The following DMRTA2 variants were observed in gnomAD, a reference collection of about 807,000 sequenced individuals.
DMRTA2 encodes doublesex- and mab-3-related transcription factor A2.
In DMRTA2, 10 loss-of-function variants were observed where a neutral mutation model predicts 29.7. The observed-to-expected ratio is 0.34, with a 90% CI of 0.21 to 0.57. The LOEUF is 0.57. DMRTA2 is among the 20% of genes least tolerant of loss of function. The pLI is 0.87. For synonymous variants in DMRTA2, 469 were observed against 402.6 expected, an observed-to-expected ratio of 1.16 and a Z score of -1.97; for missense variants, 783 against 812.1, an observed-to-expected ratio of 0.96 and a Z score of 0.44.
chr1:50,419,864 C>T lies in DMRTA2; in HGVS notation c.560-130G>A, dbSNP rs1050182683. On this transcript the variant is annotated intron_variant, in intron 2 of 2. Transcript: ENST00000404795. The surrounding 1 kb of genome is among the most constrained non-coding windows in gnomAD (Gnocchi z 6.1). ...CCTTATTCACTAGGCTCCAGTGCCC[C>T]TCTTTCTTTTTGCTCTAGCATTCCT... The T allele has an allele frequency of 1.8e-5, 14 of 770,620 alleles. No homozygotes were observed. Among genetic ancestry groups the T allele is most frequent in the Admixed American group, 3.9e-5 (1 of 25,634 alleles). 47.7% of individuals were successfully genotyped at this position (770,620 alleles called of 1,614,324 possible). A position where few individuals can be genotyped will look rare whatever the true frequency, so the allele number is the denominator to read the frequency against.
Position 50,420,364 on chromosome 1 carries a change from G to C in DMRTA2, c.559+614C>G, listed in dbSNP as rs1199456866. On this transcript the variant is annotated intron_variant, in intron 2 of 2. Transcript: ENST00000404795. The surrounding 1 kb of genome is among the most constrained non-coding windows in gnomAD (Gnocchi z 4.1). Reference sequence around the variant, plus strand: ...CCCCACAAAAAGCCACGGGGGTCCAGAAAAAGAGGGTGGTGCTAGGCAGGC... The same window carrying C: ...CCCCACAAAAAGCCACGGGGGTCCACAAAAAGAGGGTGGTGCTAGGCAGGC... Among the ~76,000 whole-genome samples, 1 of 152,150 alleles carries C rather than the reference G, an allele frequency of 6.6e-6. No individual in the cohort carries two copies. The highest frequency in any genetic ancestry group is 2.4e-5 in the African/African-American group (1 of 41,430).
chr1:50,419,121 G>A lies in DMRTA2; in HGVS notation c.1173C>T (p.Ala391=), dbSNP rs1261221454. The A allele has an allele frequency of 1.0e-5, 12 of 1,193,772 alleles. No homozygotes were observed. The highest frequency in any genetic ancestry group is 1.2e-5 in the Non-Finnish European group (12 of 968,206). 73.9% of individuals were successfully genotyped at this position (1,193,772 alleles called of 1,614,324 possible). Residue 391 remains alanine, a synonymous_variant, in exon 3 of 3, where the codon GCC becomes GCT. Transcript: ENST00000404795. The surrounding 1 kb of genome is among the most constrained non-coding windows in gnomAD (Gnocchi z 6.1). The part of the protein sequence containing the change: ...DAWPSRVDAA[A]AAAAAAGGPG... ...GCCCCCCGGCGGCGGCGGCGGCGGC[G>A]GCGGCGGCGTCGACGCGGCTGGGCC...
Position 50,418,754 on chromosome 1 carries a change from C to T in DMRTA2, c.1540G>A (p.Ala514Thr), listed in dbSNP as rs773475923. ...AFSDLMRDRS[A>T]AAAAAVHKEP... ...TTGTGCACCGCCGCAGCAGCGGCGG[C>T]CGAGCGGTCACGCATGAGATCGCTA... is the stretch of plus-strand genomic sequence containing the variant. The change falls in exon 3 of 3, where the codon GCC (alanine) becomes ACC (threonine). Residue 514 changes from alanine (A) to threonine (T), a missense_variant. Physicochemically the swap from Ala to Thr is moderately conservative, Grantham distance 58. Coordinates refer to ENST00000404795, the MANE Select transcript of DMRTA2 (RefSeq NM_032110.3). The T allele has an allele frequency of 3.2e-5, 51 of 1,571,016 alleles. No individual in the cohort carries two copies. The South Asian group carries it at 5.3e-4, about 16-fold the overall frequency.
Position 50,422,083 on chromosome 1 carries a change from G to T in DMRTA2, c.-8-539C>A, listed in dbSNP as rs942408460. 6.6e-6 allele frequency among the ~76,000 whole-genome samples: 1 copy of T among 152,192 alleles called. No homozygotes were observed. The highest frequency in any genetic ancestry group is 2.1e-4 in the South Asian group (1 of 4,830). Reference sequence around the variant, plus strand: ...ATGTGAAGGCGCAGATGTGAAGGCCGGTTGGGCCGGAGTTTTGTTTCTTTT... The same window carrying T: ...ATGTGAAGGCGCAGATGTGAAGGCCTGTTGGGCCGGAGTTTTGTTTCTTTT... On this transcript the variant is annotated intron_variant, in intron 1 of 2. Transcript: ENST00000404795. The surrounding 1 kb of genome is among the most constrained non-coding windows in gnomAD (Gnocchi z 5.7).
chr1:50,421,047 C>T lies in DMRTA2; in HGVS notation c.490G>A (p.Asp164Asn). 1 of 1,512,012 alleles carries T rather than the reference C, an allele frequency of 6.6e-7. No homozygotes were observed. The allele number at this position is 1,512,012 out of a possible 1,614,324, so 93.7% of individuals were successfully genotyped here. A position where few individuals can be genotyped will look rare whatever the true frequency, so the allele number is the denominator to read the frequency against. The change falls in exon 2 of 3, where the codon GAC (aspartate) becomes AAC (asparagine). Residue 164 changes from aspartate (D) to asparagine (N), a missense_variant. This residue lies in a region of DMRTA2 where 667 missense variants were observed against 624.8 expected (regional missense o/e 1.07). Transcript: ENST00000404795. This position sits in a 1 kb window ranked among gnomAD's most constrained non-coding sequence, Gnocchi z 8.7. ...YEVFGSVCAA[D>N]GGGPGAGAPA... ...GCTCCCGCTCCAGGTCCCCCGCCGT[C>T]GGCGGCGCACACTGAACCGAAGACC...
At position 50,419,352 on chromosome 1, in the gene DMRTA2, C is replaced by G. The variant is rs1283215668; in HGVS notation, c.942G>C (p.Arg314=). Reference sequence around the variant, plus strand: ...CGCGTGTCAAGATATCCAGCGGCGTCCGCTGCCGTGGACCCGAGCCTCCGC... The same window carrying G: ...CGCGTGTCAAGATATCCAGCGGCGTGCGCTGCCGTGGACCCGAGCCTCCGC... The part of the protein sequence containing the change: ...GLGGGSGPRQ[R]TPLDILTRVF... Residue 314 remains arginine, a synonymous_variant, in exon 3 of 3, where the codon CGG becomes CGC. Transcript: ENST00000404795. This position sits in a 1 kb window ranked among gnomAD's most constrained non-coding sequence, Gnocchi z 6.1. 1 of 1,596,940 alleles carries G rather than the reference C, an allele frequency of 6.3e-7. No homozygotes were observed. Among genetic ancestry groups the G allele is most frequent in the East Asian group, 2.2e-5 (1 of 44,786 alleles).
Position 50,420,957 on chromosome 1 carries a change from G to A in DMRTA2, c.559+21C>T, listed in dbSNP as rs1246734968. The A allele has an allele frequency of 7.0e-7, 1 of 1,435,862 alleles. No individual in the cohort carries two copies. 88.9% of individuals were successfully genotyped at this position (1,435,862 alleles called of 1,614,324 possible). A position where few individuals can be genotyped will look rare whatever the true frequency, so the allele number is the denominator to read the frequency against. On this transcript the variant is annotated intron_variant, in intron 2 of 2. Transcript: ENST00000404795. The surrounding 1 kb of genome is among the most constrained non-coding windows in gnomAD (Gnocchi z 4.1). ...AGCTACGATCCTGCTGCCCCTACCTGCGGCCTGGCCGCGCTCTCACCTGAG... is the reference window on the plus strand; with the variant it reads ...AGCTACGATCCTGCTGCCCCTACCTACGGCCTGGCCGCGCTCTCACCTGAG...
At position 50,419,454 on chromosome 1, in the gene DMRTA2, G is replaced by C. The variant is rs983679144; in HGVS notation, c.840C>G (p.Ser280=). 1 of 1,598,056 alleles carries C rather than the reference G, an allele frequency of 6.3e-7. No homozygotes were observed. The highest frequency in any genetic ancestry group is 8.5e-7 in the Non-Finnish European group (1 of 1,178,216). ...GGGGEEDSPG[S]ASPLGSESGS... ...CGGATTCAGAGCCCAGAGGGCTAGC[G>C]GAGCCCGGGCTGTCCTCCTCGCCGC... is the stretch of plus-strand genomic sequence containing the variant. Residue 280 remains serine, a synonymous_variant, in exon 3 of 3, where the codon TCC becomes TCG. Coordinates refer to ENST00000404795, the MANE Select transcript of DMRTA2 (RefSeq NM_032110.3). The surrounding 1 kb of genome is among the most constrained non-coding windows in gnomAD (Gnocchi z 6.1).
chr1:50,419,522 C>A lies in DMRTA2; in HGVS notation c.772G>T (p.Glu258Ter). Residue 258 changes from glutamate (E) to a stop codon, truncating the protein, a stop_gained, in exon 3 of 3, where the codon GAG becomes TAG. Transcript: ENST00000404795. LOFTEE classifies it high-confidence loss of function. The surrounding 1 kb of genome is among the most constrained non-coding windows in gnomAD (Gnocchi z 6.1). ...SGSPLARASK[E>*]AGGSCPGSAG... is the part of the protein sequence containing the mutation. ...CTGCCTGGGCAGCTGCCACCTGCCT[C>A]TTTGGAGGCCCGAGCTAGGGGCGAA... is the stretch of plus-strand genomic sequence containing the variant. 1.3e-6 allele frequency: 2 copies of A among 1,587,292 alleles called. No homozygotes were observed. Among genetic ancestry groups the A allele is most frequent in the Non-Finnish European group, 8.5e-7 (1 of 1,169,958 alleles).
At position 50,421,420 on chromosome 1, in the gene DMRTA2, AGCGGCCGCC is replaced by A. The variant is rs1249899399; in HGVS notation, c.108_116del (p.Ala38_Ala40del). 8.0e-6 allele frequency: 11 copies of A among 1,371,148 alleles called. No individual in the cohort carries two copies. Among genetic ancestry groups the A allele is most frequent in the African/African-American group, 1.5e-5 (1 of 65,864 alleles). The allele number at this position is 1,371,148 out of a possible 1,614,324, so 84.9% of individuals were successfully genotyped here. ...CTGCCACGCTCACCGGTAGCGATGC[AGCGGCCGCC>A]GCGGCTGCCGCCACCGACGCCACCG... On this transcript the variant is annotated inframe_deletion, in exon 2 of 3. Transcript: ENST00000404795. This position sits in a 1 kb window ranked among gnomAD's most constrained non-coding sequence, Gnocchi z 8.7.
rs1386746377 is a variant in DMRTA2, at chr1:50,420,297, A to G, written c.560-563T>C. Among the ~76,000 whole-genome samples the G allele has an allele frequency of 6.6e-6, 1 of 152,124 alleles. No homozygotes were observed. Among genetic ancestry groups the G allele is most frequent in the African/African-American group, 2.4e-5 (1 of 41,424 alleles). Reference sequence around the variant, plus strand: ...TTCTTCCCTCCCAAGTTTAGAGCGGATCCCTCCTTTCCCTCAACGGCTCTG... The same window carrying G: ...TTCTTCCCTCCCAAGTTTAGAGCGGGTCCCTCCTTTCCCTCAACGGCTCTG... On this transcript the variant is annotated intron_variant, in intron 2 of 2. Coordinates refer to ENST00000404795, the MANE Select transcript of DMRTA2 (RefSeq NM_032110.3). The surrounding 1 kb of genome is among the most constrained non-coding windows in gnomAD (Gnocchi z 4.1).
In DMRTA2 at chr1:50,420,876, A is replaced by T. The variant is rs1646031940; in HGVS notation, c.559+102T>A. 7.3e-7 allele frequency: 1 copy of T among 1,370,188 alleles called. No individual in the cohort carries two copies. The highest frequency in any genetic ancestry group is 1.5e-5 in the African/African-American group (1 of 64,948). The allele number at this position is 1,370,188 out of a possible 1,614,324, so 84.9% of individuals were successfully genotyped here. On this transcript the variant is annotated intron_variant, in intron 2 of 2. Transcript: ENST00000404795. The surrounding 1 kb of genome is among the most constrained non-coding windows in gnomAD (Gnocchi z 4.1). ...GAACCCTAGCAGTCGCGGCGACTGG[A>T]CACGGGGGTTCTACTCTTTCTGAAC...
rs1257009545 is a variant in DMRTA2 at position 50,420,395 on chromosome 1, G to C, written c.559+583C>G. Among the ~76,000 whole-genome samples, 3 of 152,154 alleles carry C rather than the reference G, an allele frequency of 2.0e-5. No homozygotes were observed. The highest frequency in any genetic ancestry group is 2.9e-5 in the Non-Finnish European group (2 of 68,032). ...GAGGGTGGTGCTAGGCAGGCAGTAG[G>C]AAGCGAAGAGGAAAAGACATAGGAA... On this transcript the variant is annotated intron_variant, in intron 2 of 2. Transcript: ENST00000404795. The surrounding 1 kb of genome is among the most constrained non-coding windows in gnomAD (Gnocchi z 4.1).
rs1646032938 is a variant in DMRTA2, at chr1:50,420,972, T to A, written c.559+6A>T. On this transcript the variant is annotated splice_donor_region_variant and intron_variant, in intron 2 of 2. Transcript: ENST00000404795. This position sits in a 1 kb window ranked among gnomAD's most constrained non-coding sequence, Gnocchi z 4.1. Reference sequence around the variant, plus strand: ...GCCCCTACCTGCGGCCTGGCCGCGCTCTCACCTGAGCCCCCTGCGCCAGCT... The same window carrying A: ...GCCCCTACCTGCGGCCTGGCCGCGCACTCACCTGAGCCCCCTGCGCCAGCT... The A allele has an allele frequency of 6.8e-7, 1 of 1,469,152 alleles. No individual in the cohort carries two copies. The highest frequency in any genetic ancestry group is 8.9e-7 in the Non-Finnish European group (1 of 1,119,772). 91.0% of individuals were successfully genotyped at this position (1,469,152 alleles called of 1,614,324 possible).
Position 50,419,474 on chromosome 1 carries a change from C to T in DMRTA2, c.820G>A (p.Glu274Lys). The stretch of plus-strand genomic sequence containing the variant: ...CTAGCGGAGCCCGGGCTGTCCTCCT[C>T]GCCGCCGCCGCCAGGGCCAGCGCTG... ...PGSAGPGGGG[E>K]EDSPGSASPL... is the part of the protein sequence containing the mutation. The change falls in exon 3 of 3, where the codon GAG (glutamate) becomes AAG (lysine). Residue 274 changes from glutamate (E) to lysine (K), a missense_variant. Physicochemically the swap from Glu to Lys is moderately conservative, Grantham distance 56. Around this residue, in one of 3 missense-constraint regions of DMRTA2, gnomAD observed 667 missense variants for 624.8 expected, o/e 1.07. Transcript: ENST00000404795. The surrounding 1 kb of genome is among the most constrained non-coding windows in gnomAD (Gnocchi z 6.1). 3 of 1,592,710 alleles carry T rather than the reference C, an allele frequency of 1.9e-6. No homozygotes were observed. Among genetic ancestry groups the T allele is most frequent in the Non-Finnish European group, 8.5e-7 (1 of 1,175,004 alleles).
Position 50,418,725 on chromosome 1 carries a change from C to G in DMRTA2, c.1569G>C (p.Glu523Asp), listed in dbSNP as rs1377137370. ...CGTACAGGCCGCCGCCGTAGGTCGG[C>G]TCCTTGTGCACCGCCGCAGCAGCGG... Reference protein sequence around the residue: ...SAAAAAAVHKEPTYGGGLYGP... With the variant: ...SAAAAAAVHKDPTYGGGLYGP... The change falls in exon 3 of 3, where the codon GAG (glutamate) becomes GAC (aspartate). Residue 523 changes from glutamate (E) to aspartate (D), a missense_variant. Transcript: ENST00000404795. The G allele has an allele frequency of 6.5e-7, 1 of 1,539,162 alleles. No individual in the cohort carries two copies. The highest frequency in any genetic ancestry group is 2.6e-5 in the East Asian group (1 of 38,786).
chr1:50,419,568 G>T lies in DMRTA2; in HGVS notation c.726C>A (p.Gly242=), dbSNP rs556550591. The change falls in exon 3 of 3, where the codon GGC becomes GGA. Residue 242 remains glycine (G), a synonymous_variant. Transcript: ENST00000404795. This position sits in a 1 kb window ranked among gnomAD's most constrained non-coding sequence, Gnocchi z 6.1. Reference sequence around the variant, plus strand: ...GCGAACCAGAAAAGGACTCGCCATCGCCGTTCTCCGAGCCTGAGCCGGGCC... The same window carrying T: ...GCGAACCAGAAAAGGACTCGCCATCTCCGTTCTCCGAGCCTGAGCCGGGCC... ...EVRPGSGSEN[G]DGESFSGSPL... is the part of the protein sequence containing the mutation. 4 of 1,557,816 alleles carry T rather than the reference G, an allele frequency of 2.6e-6. No individual in the cohort carries two copies. In the African/African-American group the frequency reaches 5.6e-5, roughly 22 times the overall value.
chr1:50,421,558 A>C lies in DMRTA2; in HGVS notation c.-8-14T>G. ...CCATGACAGGACCTGACGGGAAAGA[A>C]GGTGGGAGAGGGGAGAGACCTGGTG... On this transcript the variant is annotated splice_polypyrimidine_tract_variant and intron_variant, in intron 1 of 2. Coordinates refer to ENST00000404795, the MANE Select transcript of DMRTA2 (RefSeq NM_032110.3). This position sits in a 1 kb window ranked among gnomAD's most constrained non-coding sequence, Gnocchi z 8.7. The C allele has an allele frequency of 8.1e-7, 1 of 1,241,228 alleles. No individual in the cohort carries two copies. Among genetic ancestry groups the C allele is most frequent in the East Asian group, 3.2e-5 (1 of 31,390 alleles). The allele number at this position is 1,241,228 out of a possible 1,614,324, so 76.9% of individuals were successfully genotyped here.
chr1:50,421,045 G>A lies in DMRTA2; in HGVS notation c.492C>T (p.Asp164=), dbSNP rs1165219780. The A allele has an allele frequency of 5.7e-5, 86 of 1,511,282 alleles. No homozygotes were observed. Among genetic ancestry groups the A allele is most frequent in the Non-Finnish European group, 7.4e-5 (84 of 1,136,630 alleles). The allele number at this position is 1,511,282 out of a possible 1,614,324, so 93.6% of individuals were successfully genotyped here. Residue 164 remains aspartate, a synonymous_variant, in exon 2 of 3, where the codon GAC becomes GAT. Coordinates refer to ENST00000404795, the MANE Select transcript of DMRTA2 (RefSeq NM_032110.3). The surrounding 1 kb of genome is among the most constrained non-coding windows in gnomAD (Gnocchi z 8.7). ...YEVFGSVCAA[D]GGGPGAGAPA... is the part of the protein sequence containing the mutation. Reference sequence around the variant, plus strand: ...GCGCTCCCGCTCCAGGTCCCCCGCCGTCGGCGGCGCACACTGAACCGAAGA... The same window carrying A: ...GCGCTCCCGCTCCAGGTCCCCCGCCATCGGCGGCGCACACTGAACCGAAGA...
Sources: gnomAD v4.1 joint callset for allele counts (sites outside exome capture counted in the v4.1 genomes callset) on GRCh38, gnomAD v4.1.1 for gene constraint, gnomAD v4.1.1 regional missense constraint, Gnocchi (gnomAD v3.1) non-coding constraint, MANE v1.5 for transcripts, NCBI Gene and HGNC (gene_info 2026-07-23, HGNC 2026-07-21) for gene names.